TYW1B: variants seen among roughly 807,000 people sequenced by gnomAD.
TYW1B encodes the protein S-adenosyl-L-methionine-dependent tRNA 4-demethylwyosine synthase TYW1B.
A neutral mutation model predicts 86.9 loss-of-function variants in TYW1B; 73 were observed. The observed-to-expected ratio is 0.84, with a 90% CI of 0.70 to 1.02. The LOEUF (loss-of-function observed/expected upper bound fraction) is 1.02. Ranked by LOEUF, TYW1B falls within the 50% of genes least tolerant of loss-of-function variation. The pLI, the probability that TYW1B is intolerant of heterozygous loss-of-function variation, is 0.00. For missense variants in TYW1B, 637 were observed against 827.4 expected (o/e 0.77, Z 2.82); for synonymous variants, 248 against 292.8 (o/e 0.85, Z 1.56).
rs191533976 is a variant in TYW1B, at chr7:72,798,215, C to G, written c.846+4185G>C. Reference sequence around the variant, plus strand: ...TCAGGAGATCGAGACCACGGTGAAACCCCGTCTCTACCAAAAATACAAAAA... The same window carrying G: ...TCAGGAGATCGAGACCACGGTGAAAGCCCGTCTCTACCAAAAATACAAAAA... On this transcript the variant is annotated intron_variant, in intron 6 of 13. Coordinates refer to ENST00000620995, the MANE Select transcript of TYW1B (RefSeq NM_001145440.3). Among the ~76,000 whole-genome samples the G allele has an allele frequency of 4.2e-3, 634 of 152,066 alleles. 6 individuals are homozygous for G. The highest frequency in any genetic ancestry group is 0.015 in the African/African-American group (602 of 41,500).
intron 13 of TYW1B, among the ~76,000 whole-genome samples, chr7:72,584,676 G>T (rs371258816): frequency 1.3e-5 from 2 of 151,990 alleles, no homozygotes; most frequent in Admixed American, 1.3e-4. Flanking sequence ...GGCTGGTCTC[G>T]AACTCCTGAC....
intron 13 of TYW1B, among the ~76,000 whole-genome samples, chr7:72,598,992 A>G (rs1811596974): frequency 6.6e-6 from 1 of 152,200 alleles, no homozygotes; most frequent in Non-Finnish European, 1.5e-5. Context: ...TCTCTGCAGT[A>G]TCTTCATGAA....
At chr7:72,642,888 G>A (rs1436824749) in intron 11 of TYW1B, among the ~76,000 whole-genome samples, 4 of 152,046 alleles carry the variant, frequency 2.6e-5, no homozygotes, top group African/African-American at 9.7e-5. Context: ...GGAATAGAGC[G>A]AGACTCCGTC....
chr7:72,604,273 G>A (rs2129568123), intron 13 of TYW1B, among the ~76,000 whole-genome samples: 1 of 152,212 alleles, frequency 6.6e-6, no homozygotes, highest in East Asian at 1.9e-4. Context: ...GGCCAGACTA[G>A]CCAACATGGT....
intron 11 of TYW1B, among the ~76,000 whole-genome samples, chr7:72,673,515 G>A (rs551049944): frequency 1.6e-3 from 244 of 150,496 alleles, no homozygotes; most frequent in African/African-American, 4.5e-3. Flanking sequence ...CAAACATCAC[G>A]TGTTCTCACT....
chr7:72,639,975 G>A (rs1554441303), intron 11 of TYW1B, among the ~76,000 whole-genome samples: 2 of 151,980 alleles, frequency 1.3e-5, no homozygotes, highest in Non-Finnish European at 2.9e-5. Flanking sequence ...ATGGAGTTAA[G>A]TATTCTAAGT....
At chr7:72,616,299 A>G (rs1467467345) in intron 13 of TYW1B, among the ~76,000 whole-genome samples, 1 of 152,224 alleles carries the variant, frequency 6.6e-6, no homozygotes, top group African/African-American at 2.4e-5. Flanking sequence ...AGATACCTCA[A>G]TATTGCTTCT....
intron 11 of TYW1B, among the ~76,000 whole-genome samples, chr7:72,670,382 G>T (rs1282418318): frequency 6.6e-6 from 1 of 152,136 alleles, no homozygotes; most frequent in African/African-American, 2.4e-5. Flanking sequence ...GTAGAGAGGG[G>T]GTTTCCCCAT....
rs1482974032 is a variant in TYW1B, at chr7:72,728,923, T to C, written c.1091A>G (p.Asn364Ser). 1.9e-6 allele frequency: 3 copies of C among 1,613,746 alleles called. No individual in the cohort carries two copies. The African/African-American group carries it at 4.0e-5, about 22-fold the overall frequency. ...CAACCATTCAGTGCCCACAGGGTTG[T>C]TGTGGTGCCTAGGAACAAGACGCAA... is the stretch of plus-strand genomic sequence containing the variant. ...NKCVFCWWHH[N>S]NPVGTEWLWK... Residue 364 changes from asparagine to serine, a missense_variant, in exon 9 of 14, where the codon AAC becomes AGC. By Grantham distance (46) the Asn-to-Ser change is conservative (BLOSUM62 1). Transcript: ENST00000620995.
intron 10 of TYW1B, among the ~76,000 whole-genome samples, chr7:72,708,665 G>C (rs1270909726): frequency 6.6e-6 from 1 of 152,122 alleles, no homozygotes; most frequent in Non-Finnish European, 1.5e-5. Context: ...AGAGACAGCT[G>C]GTATTTTGAT....
At chr7:72,578,714 T>C (rs551503929) in intron 13 of TYW1B, among the ~76,000 whole-genome samples, 1 of 152,288 alleles carries the variant, frequency 6.6e-6, no homozygotes, top group African/African-American at 2.4e-5. Context: ...GTTACATACA[T>C]TTAGAAAATA....
At chr7:72,709,108 A>C (rs1814681846) in intron 10 of TYW1B, among the ~76,000 whole-genome samples, 1 of 152,230 alleles carries the variant, frequency 6.6e-6, no homozygotes, top group Admixed American at 6.5e-5. Flanking sequence ...CATGTCTACC[A>C]GACTTCCATT....
chr7:72,733,984 T>A (rs1169631418), intron 8 of TYW1B, among the ~76,000 whole-genome samples: 1 of 151,742 alleles, frequency 6.6e-6, no homozygotes, highest in Non-Finnish European at 1.5e-5. Flanking sequence ...TATAGCCAGA[T>A]GCGGTGGCTC....
chr7:72,703,011 TATATATATATATA>T (rs1182329446), intron 10 of TYW1B, among the ~76,000 whole-genome samples: 556 of 32,226 alleles, frequency 0.017, 30 homozygotes, highest in African/African-American at 0.035. Context: ...TATATATATA[TATATATATATATA>T]TATTTTTTTT....
intron 10 of TYW1B, among the ~76,000 whole-genome samples, chr7:72,706,907 CAACT>C (rs1215624801): frequency 9.9e-5 from 15 of 152,136 alleles, no homozygotes; most frequent in African/African-American, 3.6e-4. Flanking sequence ...TACTTCTTAC[CAACT>C]GAGGGTTTGA....
chr7:72,730,879 T>C (rs868911498), intron 8 of TYW1B, among the ~76,000 whole-genome samples: 1 of 145,144 alleles, frequency 6.9e-6, no homozygotes, highest in Non-Finnish European at 1.5e-5. Context: ...TTGGGAGAGA[T>C]ATGGACATTC....
intron 13 of TYW1B, among the ~76,000 whole-genome samples, chr7:72,599,714 T>A (rs1448257143): frequency 2.6e-5 from 4 of 152,092 alleles, no homozygotes; most frequent in Non-Finnish European, 5.9e-5. Context: ...TTAATATATA[T>A]ATAAAATTAA....
At chr7:72,743,356 C>G (rs782228625) in intron 8 of TYW1B, among the ~76,000 whole-genome samples, 9 of 152,148 alleles carry the variant, frequency 5.9e-5, no homozygotes, top group Non-Finnish European at 1.2e-4. Flanking sequence ...CTGAATCCAA[C>G]AGAAGGAGTG....
chr7:72,594,811 TG>T (rs1811490005), intron 13 of TYW1B, among the ~76,000 whole-genome samples: 1 of 152,200 alleles, frequency 6.6e-6, no homozygotes, highest in African/African-American at 2.4e-5. Flanking sequence ...CCTGGACAAG[TG>T]GGATTTATCC....
Sources: gnomAD v4.1 joint callset for allele counts (sites outside exome capture counted in the v4.1 genomes callset) on GRCh38, gnomAD v4.1.1 for gene constraint, MANE v1.5 for transcripts, NCBI Gene and HGNC (gene_info 2026-07-23, HGNC 2026-07-21) for gene names.